TMEM117: variants seen among roughly 807,000 people sequenced by gnomAD.
TMEM117 encodes the protein transmembrane protein 117.
TMEM117 carries 27 observed loss-of-function variants against 52.4 expected under a neutral mutation model. The ratio of observed to expected loss-of-function variants is 0.51; its 90% confidence interval spans 0.38 to 0.71. TMEM117 has a LOEUF of 0.71. Ranked by LOEUF, TMEM117 falls within the 30% of genes least tolerant of loss-of-function variation. The pLI, the probability that TMEM117 is intolerant of heterozygous loss-of-function variation, is 0.00. For missense variants in TMEM117, 556 were observed against 630.5 expected (o/e 0.88, Z 1.26); for synonymous variants, 215 against 206.3 (o/e 1.04, Z -0.36).
At chr12:44,152,217 T>G (rs1301467292) in intron 4 of TMEM117, among the ~76,000 whole-genome samples, 1 of 109,130 alleles carries the variant, frequency 9.2e-6, no homozygotes, top group African/African-American at 3.8e-5. Flanking sequence ...ATTTATATTA[T>G]ATATTATAAA....
chr12:44,155,313 A>G (rs2138238544), intron 4 of TMEM117, among the ~76,000 whole-genome samples: 1 of 152,180 alleles, frequency 6.6e-6, no homozygotes, highest in East Asian at 1.9e-4. Flanking sequence ...TAAACATTGG[A>G]CTGTATTAAA....
intron 3 of TMEM117, among the ~76,000 whole-genome samples, chr12:44,040,217 A>G (rs748851082): frequency 1.8e-4 from 27 of 152,266 alleles, no homozygotes; most frequent in South Asian, 2.1e-4. Flanking sequence ...TAACCTCAAC[A>G]ATGTAAATAA....
At chr12:44,307,623 C>T (rs1438198880) in intron 6 of TMEM117, among the ~76,000 whole-genome samples, 1 of 152,186 alleles carries the variant, frequency 6.6e-6, no homozygotes, top group East Asian at 1.9e-4. Context: ...CTCTCACTTC[C>T]CTCATTACTG....
intron 3 of TMEM117, among the ~76,000 whole-genome samples, chr12:44,046,078 C>T (rs544012312): frequency 3.1e-4 from 47 of 152,252 alleles, no homozygotes; most frequent in Admixed American, 5.2e-4. Context: ...TACTATTTCT[C>T]GCATATCCCT....
intron 3 of TMEM117, among the ~76,000 whole-genome samples, chr12:44,088,825 A>G (rs759960568): frequency 3.9e-5 from 6 of 152,194 alleles, no homozygotes; most frequent in Non-Finnish European, 7.3e-5. Flanking sequence ...AGACTTGCCA[A>G]ATCTTTCCTG....
At chr12:44,295,551 C>G (rs948961169) in intron 5 of TMEM117, among the ~76,000 whole-genome samples, 1 of 152,076 alleles carries the variant, frequency 6.6e-6, no homozygotes, top group African/African-American at 2.4e-5. Context: ...ATTCCTCTAA[C>G]TGGCTAATTT....
chr12:43,800,559 T>A, the TMEM117 span: 1 of 1,545,562 alleles, frequency 6.5e-7, no homozygotes, highest in South Asian at 1.1e-5. Flanking sequence ...TTACTTAGTT[T>A]ATAGATGAAA....
At chr12:44,344,127 A>G (rs747121720) in intron 6 of TMEM117, among the ~76,000 whole-genome samples, 1 of 152,182 alleles carries the variant, frequency 6.6e-6, no homozygotes, top group Non-Finnish European at 1.5e-5. Flanking sequence ...TAAAATCACA[A>G]CTACTATGCC....
intron 4 of TMEM117, among the ~76,000 whole-genome samples, chr12:44,197,056 G>T (rs1949430417): frequency 1.3e-5 from 2 of 152,176 alleles, no homozygotes. Context: ...AAAATGGCAG[G>T]CTACCTAGTG....
chr12:43,811,718 T>C, the TMEM117 span, among the ~76,000 whole-genome samples: 2 of 152,232 alleles, frequency 1.3e-5, no homozygotes, highest in African/African-American at 4.8e-5. Flanking sequence ...AGTGAGAATT[T>C]GAGCAGCAAA....
At chr12:44,316,236 T>C (rs1951052618) in intron 6 of TMEM117, among the ~76,000 whole-genome samples, 1 of 152,192 alleles carries the variant, frequency 6.6e-6, no homozygotes, top group Non-Finnish European at 1.5e-5. Context: ...TAAAATTCCC[T>C]TAAGGACCTC....
intron 3 of TMEM117, among the ~76,000 whole-genome samples, chr12:44,017,941 A>G (rs2137825712): frequency 6.6e-6 from 1 of 152,296 alleles, no homozygotes; most frequent in Admixed American, 6.5e-5. Flanking sequence ...AACATCTGAC[A>G]AGTCTAAGTA....
At chr12:44,355,180 G>A (rs2138791737) in intron 6 of TMEM117, among the ~76,000 whole-genome samples, 1 of 152,146 alleles carries the variant, frequency 6.6e-6, no homozygotes, top group African/African-American at 2.4e-5. Context: ...CCTTGTACAA[G>A]TTGGCCTTTT....
chr12:44,160,218 T>C (rs981066678), intron 4 of TMEM117, among the ~76,000 whole-genome samples: 7 of 152,158 alleles, frequency 4.6e-5, no homozygotes, highest in African/African-American at 1.7e-4. Context: ...TTCAGTGGTG[T>C]TATATTGAGC....
At chr12:44,254,262 A>G (rs1427559333) in intron 5 of TMEM117, among the ~76,000 whole-genome samples, 2 of 152,056 alleles carry the variant, frequency 1.3e-5, no homozygotes, top group African/African-American at 4.8e-5. Context: ...CTTACATGCT[A>G]GAAAGTTGTT....
At chr12:44,358,103 A>G (rs990320898) in intron 6 of TMEM117, among the ~76,000 whole-genome samples, 11 of 152,154 alleles carry the variant, frequency 7.2e-5, no homozygotes, top group African/African-American at 2.7e-4. Flanking sequence ...TGTCACTTAT[A>G]AGTGGGAGCT....
chr12:44,376,323 A>T (rs577832282), intron 6 of TMEM117: 16 of 440,316 alleles, frequency 3.6e-5, no homozygotes, highest in South Asian at 3.0e-4. Context: ...AGAGATAAAC[A>T]TGTGTAGATG....
At chr12:43,872,125 T>G (rs1387455224) in intron 2 of TMEM117, among the ~76,000 whole-genome samples, 1 of 152,224 alleles carries the variant, frequency 6.6e-6, no homozygotes, top group East Asian at 1.9e-4. Flanking sequence ...CTGTCTTGAA[T>G]TCCTGGCTTC....
intron 7 of TMEM117, among the ~76,000 whole-genome samples, chr12:44,386,833 A>G (rs1952095149): frequency 6.6e-6 from 1 of 152,130 alleles, no homozygotes. Flanking sequence ...AAAATATGTA[A>G]TTATGATGAT....
Sources: allele counts gnomAD v4.1 joint callset (sites outside exome capture counted in the v4.1 genomes callset), GRCh38; gene constraint gnomAD v4.1.1; transcripts MANE v1.5; gene names NCBI Gene and HGNC (gene_info 2026-07-23, HGNC 2026-07-21).